JAM2: variants seen among roughly 807,000 people sequenced by gnomAD.
JAM2 encodes the protein junctional adhesion molecule 2.
In JAM2, 17 loss-of-function variants were observed where a neutral mutation model predicts 42.0. The observed-to-expected ratio is 0.40, with a 90% CI of 0.28 to 0.61. The LOEUF (loss-of-function observed/expected upper bound fraction) is 0.61. Among genes scored for constraint, JAM2 ranks in the 20% least tolerant of loss-of-function variants. The pLI, the probability that JAM2 is intolerant of heterozygous loss-of-function variation, is 0.37. For synonymous variants in JAM2, 118 were observed against 128.6 expected (o/e 0.92, Z 0.56); for missense variants, 319 against 358.3 (o/e 0.89, Z 0.89).
At chr21:25,653,426 A>G (rs2032837437) in intron 1 of JAM2, among the ~76,000 whole-genome samples, 1 of 152,176 alleles carries the variant, frequency 6.6e-6, no homozygotes, top group Non-Finnish European at 1.5e-5. Context: ...TCACACTGCT[A>G]TAAGGAACTG....
rs2033549371 is a variant in JAM2 at position 25,678,390 on chromosome 21, AAGC to A, written c.68-5490_68-5488del. ...ATCTTTGGAGTCTATAACATGTGGG[AAGC>A]AGAAGAGAAGCTAGGAAATAAAGGA... On this transcript the variant is annotated intron_variant, in intron 1 of 9. Coordinates refer to ENST00000480456, the MANE Select transcript of JAM2 (RefSeq NM_021219.4). Among the ~76,000 whole-genome samples the A allele has an allele frequency of 2.0e-5, 3 of 152,232 alleles. No homozygotes were observed. In the South Asian group the frequency reaches 6.2e-4, roughly 32 times the overall value.
intron 1 of JAM2, among the ~76,000 whole-genome samples, chr21:25,676,202 C>G (rs2033487990): frequency 6.8e-6 from 1 of 145,996 alleles, no homozygotes. Context: ...GCAGGAGAAT[C>G]ACTTGAACCC....
intron 1 of JAM2, among the ~76,000 whole-genome samples, chr21:25,681,901 G>C (rs2033641436): frequency 6.6e-6 from 1 of 152,178 alleles, no homozygotes; most frequent in African/African-American, 2.4e-5. Flanking sequence ...AGAATGGCGT[G>C]AACCCGGGAG....
At chr21:25,665,354 C>G (rs2123338902) in intron 1 of JAM2, among the ~76,000 whole-genome samples, 1 of 152,298 alleles carries the variant, frequency 6.6e-6, no homozygotes, top group South Asian at 2.1e-4. Context: ...TTTTAAAAGA[C>G]TGTATTGCCA....
intron 9 of JAM2, among the ~76,000 whole-genome samples, chr21:25,713,834 A>G (rs1256333005): frequency 6.6e-6 from 1 of 152,230 alleles, no homozygotes; most frequent in Non-Finnish European, 1.5e-5. Context: ...ATCCCTCCAA[A>G]CAGTATGAAG....
intron 1 of JAM2, among the ~76,000 whole-genome samples, chr21:25,667,084 C>T (rs1379255767): frequency 6.6e-6 from 1 of 152,178 alleles, no homozygotes; most frequent in Non-Finnish European, 1.5e-5. Flanking sequence ...TCCCCTTATC[C>T]ACAGTTTTCC....
chr21:25,716,973 T>C lies in JAM2; in HGVS notation c.*2301T>C, dbSNP rs970535778. 1 of 152,254 alleles carries C rather than the reference T, an allele frequency of 6.6e-6. No homozygotes were observed. The highest frequency in any genetic ancestry group is 1.5e-5 in the Non-Finnish European group (1 of 68,054). 9.4% of individuals were successfully genotyped at this position (152,254 alleles called of 1,614,324 possible). ...TCAGTTTAAATGACACAAATCCATA[T>C]TGTGGAAGGAAAATATGTAGTGCCT... On this transcript the variant is annotated 3_prime_UTR_variant, in exon 10 of 10. Transcript: ENST00000480456.
chr21:25,696,667 C>T (rs2034043132), intron 4 of JAM2, among the ~76,000 whole-genome samples: 1 of 152,064 alleles, frequency 6.6e-6, no homozygotes, highest in Non-Finnish European at 1.5e-5. Context: ...AGTTCTCATC[C>T]ACAGGCTACG....
At chr21:25,651,081 A>AC (rs2032767936) in intron 1 of JAM2, among the ~76,000 whole-genome samples, 1 of 150,314 alleles carries the variant, frequency 6.7e-6, no homozygotes, top group South Asian at 2.1e-4. Flanking sequence ...AAAAAAAAAA[A>AC]AACAAAGTAT....
At position 25,714,647 on chromosome 21, in the gene JAM2, A is replaced by C; in HGVS notation, c.872A>C (p.Lys291Thr). The change falls in exon 10 of 10, where the codon AAG becomes ACG. Residue 291 changes from lysine (K) to threonine (T), a missense_variant. Transcript: ENST00000480456. ...TTTTCTTTCTTTTCCTAGGATTTCA[A>C]GCACACAAAATCCTTTATAATTTAA... ...KATTMSENDF[K>T]HTKSFII 1 of 1,507,870 alleles carries C rather than the reference A, an allele frequency of 6.6e-7. No individual in the cohort carries two copies. Among genetic ancestry groups the C allele is most frequent in the Non-Finnish European group, 8.9e-7 (1 of 1,118,402 alleles). The allele number at this position is 1,507,870 out of a possible 1,614,324, so 93.4% of individuals were successfully genotyped here. A position where few individuals can be genotyped will look rare whatever the true frequency, so the allele number is the denominator to read the frequency against.
intron 3 of JAM2, among the ~76,000 whole-genome samples, chr21:25,690,998 A>G (rs1223833122): frequency 6.6e-6 from 1 of 152,236 alleles, no homozygotes; most frequent in Non-Finnish European, 1.5e-5. Flanking sequence ...AACAAGATAA[A>G]CCATGCATTG....
intron 1 of JAM2, among the ~76,000 whole-genome samples, chr21:25,669,786 G>A (rs1303728834): frequency 6.6e-6 from 1 of 152,190 alleles, no homozygotes; most frequent in East Asian, 1.9e-4. Context: ...CTATAATGAA[G>A]ACTAAGACTT....
rs967755696 is a variant in JAM2, at chr21:25,714,768, C to T, written c.*96C>T. On this transcript the variant is annotated 3_prime_UTR_variant, in exon 10 of 10. Coordinates refer to ENST00000480456, the MANE Select transcript of JAM2 (RefSeq NM_021219.4). ...TTTGTCCGACATTTGCAAAGAGGTA[C>T]ACGAGGAAATGGAATTGGTATTTCA... 4 of 774,516 alleles carry T rather than the reference C, an allele frequency of 5.2e-6. No individual in the cohort carries two copies. Among genetic ancestry groups the T allele is most frequent in the Non-Finnish European group, 8.0e-6 (4 of 501,656 alleles). The allele number at this position is 774,516 out of a possible 1,614,324, so 48.0% of individuals were successfully genotyped here.
At chr21:25,647,865 C>G (rs1568886148) in intron 1 of JAM2, among the ~76,000 whole-genome samples, 1 of 152,168 alleles carries the variant, frequency 6.6e-6, no homozygotes, top group East Asian at 1.9e-4. Flanking sequence ...TGTCAAACTT[C>G]TGGGCAAGTG....
Position 25,706,003 on chromosome 21 carries a change from T to A in JAM2, c.722T>A (p.Ile241Lys), listed in dbSNP as rs753311582. 23 of 1,613,330 alleles carry A rather than the reference T, an allele frequency of 1.4e-5. No individual in the cohort carries two copies. Among genetic ancestry groups the A allele is most frequent in the Non-Finnish European group, 1.9e-5 (22 of 1,179,256 alleles). The change falls in exon 7 of 10, where the codon ATA (isoleucine) becomes AAA (lysine). Residue 241 changes from isoleucine (I) to lysine (K), a missense_variant. By Grantham distance (102) the Ile-to-Lys change is moderately radical. Transcript: ENST00000480456. ...QVDDLNISGI[I>K]AAVVVVALVI... ...GATGATCTCAACATAAGTGGCATCATAGCAGCCGTAGTAGTTGTGGCCTTA... is the reference window on the plus strand; with the variant it reads ...GATGATCTCAACATAAGTGGCATCAAAGCAGCCGTAGTAGTTGTGGCCTTA...
chr21:25,672,691 G>T (rs551075853), intron 1 of JAM2, among the ~76,000 whole-genome samples: 1 of 152,108 alleles, frequency 6.6e-6, no homozygotes, highest in East Asian at 1.9e-4. Context: ...GTAGAGGTGC[G>T]CCTATACACA....
intron 1 of JAM2, among the ~76,000 whole-genome samples, chr21:25,655,764 G>A (rs145325425): frequency 0.057 from 8,554 of 149,618 alleles, 260 homozygotes; most frequent in Middle Eastern, 0.096. Flanking sequence ...CCAAATTGCT[G>A]GGATTACAGG....
intron 3 of JAM2, 61 bp downstream of exon 3, chr21:25,690,034 T>C: frequency 2.0e-6 from 2 of 1,021,400 alleles, no homozygotes; most frequent in Non-Finnish European, 3.1e-6. Flanking sequence ...ACCAGGATCC[T>C]TTAATTGGCA....
chr21:25,643,487 CT>C (rs2032507724), intron 1 of JAM2: 1 of 152,150 alleles, frequency 6.6e-6, no homozygotes, highest in Non-Finnish European at 1.5e-5. Flanking sequence ...AGGTCTGAAT[CT>C]TTTGTAAAAT....
Sources: gnomAD v4.1 joint callset for allele counts (sites outside exome capture counted in the v4.1 genomes callset) on GRCh38, gnomAD v4.1.1 for gene constraint, MANE v1.5 for transcripts, NCBI Gene and HGNC (gene_info 2026-07-23, HGNC 2026-07-21) for gene names.